DPH6: variants seen among roughly 807,000 people sequenced by gnomAD.
DPH6 encodes the protein diphthamine biosynthesis 6, also known as diphthine--ammonia ligase.
DPH6 carries 33 observed loss-of-function variants against 38.2 expected under a neutral mutation model. That is an observed-to-expected ratio of 0.86 (90% CI 0.65 to 1.15). DPH6 has a LOEUF of 1.15. Among genes scored for constraint, DPH6 ranks in the 50% most tolerant of loss-of-function variants. DPH6 has a pLI of 0.00. For missense variants in DPH6, 325 were observed against 320.0 expected (o/e 1.02, Z -0.12); for synonymous variants, 108 against 103.0 (o/e 1.05, Z -0.30).
intron 3 of DPH6, among the ~76,000 whole-genome samples, chr15:35,274,543 T>G (rs1450543580): frequency 6.6e-6 from 1 of 150,826 alleles, no homozygotes; most frequent in Non-Finnish European, 1.5e-5. Flanking sequence ...TTAAACAAAT[T>G]TACAAGAAAA....
intron 4 of DPH6, among the ~76,000 whole-genome samples, chr15:35,452,144 T>G (rs1342720571): frequency 8.2e-6 from 1 of 121,384 alleles, no homozygotes; most frequent in Non-Finnish European, 1.8e-5. Flanking sequence ...TACTACTTAT[T>G]CTCTTCTCAC....
chr15:35,371,670 G>C lies in DPH6; in HGVS notation c.*480C>G, dbSNP rs899787685. ...AATAACGTTGAAACACTTCAACCAT[G>C]AATATATTTAAAATAAAAATGATAA... is the stretch of plus-strand genomic sequence containing the variant. On this transcript the variant is annotated 3_prime_UTR_variant, in exon 9 of 9. Coordinates refer to ENST00000256538, the MANE Select transcript of DPH6 (RefSeq NM_080650.4). 34 of 985,486 alleles carry C rather than the reference G, an allele frequency of 3.5e-5. No homozygotes were observed. In the Middle Eastern group the frequency reaches 2.1e-3, roughly 61 times the overall value. The allele number at this position is 985,486 out of a possible 1,614,324, so 61.0% of individuals were successfully genotyped here.
At chr15:35,437,219 CCT>C (rs2053728349) in intron 5 of DPH6, among the ~76,000 whole-genome samples, 2 of 152,276 alleles carry the variant, frequency 1.3e-5, no homozygotes, top group Non-Finnish European at 2.9e-5. Context: ...GCCTCGCTCC[CCT>C]CTTTCTAGAT....
intron 3 of DPH6, among the ~76,000 whole-genome samples, chr15:35,321,625 T>C (rs1359727991): frequency 1.3e-5 from 2 of 152,210 alleles, no homozygotes; most frequent in East Asian, 3.8e-4. Context: ...GCTGTATTCT[T>C]GATTTGTGCT....
chr15:35,331,931 G>C (rs1460058648), intron 3 of DPH6, among the ~76,000 whole-genome samples: 1 of 152,158 alleles, frequency 6.6e-6, no homozygotes, highest in African/African-American at 2.4e-5. Context: ...GAAGAATGGA[G>C]AAATGTATGC....
chr15:35,463,721 AG>A (rs1427160781), intron 3 of DPH6, among the ~76,000 whole-genome samples: 1 of 152,188 alleles, frequency 6.6e-6, no homozygotes, highest in Non-Finnish European at 1.5e-5. Context: ...TTATATTTTA[AG>A]TATTTTTACA....
At chr15:35,358,811 A>C (rs2140903564) in intron 3 of DPH6, among the ~76,000 whole-genome samples, 1 of 152,260 alleles carries the variant, frequency 6.6e-6, no homozygotes, top group South Asian at 2.1e-4. Flanking sequence ...AGACACCATG[A>C]GGATTCTTAG....
intron 5 of DPH6, among the ~76,000 whole-genome samples, chr15:35,435,604 A>T (rs544718372): frequency 3.3e-5 from 5 of 151,844 alleles, no homozygotes; most frequent in African/African-American, 1.2e-4. Flanking sequence ...TGTTGGCAGG[A>T]CCCCCTCTTT....
intron 3 of DPH6, among the ~76,000 whole-genome samples, chr15:35,514,937 T>C (rs562730567): frequency 6.6e-5 from 10 of 152,080 alleles, no homozygotes; most frequent in African/African-American, 1.9e-4. Context: ...AAGAAAAATA[T>C]AGGGAATGTG....
intron 6 of DPH6, among the ~76,000 whole-genome samples, chr15:35,389,581 T>C (rs1254852978): frequency 6.6e-6 from 1 of 152,236 alleles, no homozygotes; most frequent in Non-Finnish European, 1.5e-5. Context: ...AATTGATCTG[T>C]TTACCATTCT....
chr15:35,201,834 G>GT, the DPH6 span, among the ~76,000 whole-genome samples: 1 of 151,354 alleles, frequency 6.6e-6, no homozygotes, highest in South Asian at 2.1e-4. Flanking sequence ...AGTACCAGTG[G>GT]TTTTTTTAGT....
intron 3 of DPH6, among the ~76,000 whole-genome samples, chr15:35,472,076 C>T (rs942450185): frequency 3.3e-5 from 5 of 152,106 alleles, no homozygotes; most frequent in Middle Eastern, 3.4e-3. Context: ...GGCAACATAG[C>T]GAGTCCTTAT....
intron 3 of DPH6, among the ~76,000 whole-genome samples, chr15:35,303,103 T>C (rs1240424549): frequency 6.6e-6 from 1 of 152,088 alleles, no homozygotes; most frequent in African/African-American, 2.4e-5. Context: ...GTGCATTGTC[T>C]CTTACACAGC....
chr15:35,351,046 ACTAT>A (rs775723297), intron 3 of DPH6, among the ~76,000 whole-genome samples: 34 of 152,278 alleles, frequency 2.2e-4, no homozygotes, highest in Admixed American at 1.2e-3. Context: ...TTATTGTGTT[ACTAT>A]CTAATTATCC....
intron 3 of DPH6, among the ~76,000 whole-genome samples, chr15:35,270,871 C>T (rs967050096): frequency 5.9e-5 from 9 of 152,240 alleles, no homozygotes; most frequent in African/African-American, 2.2e-4. Flanking sequence ...AGCAGTTTTA[C>T]GATGTAAAGA....
At chr15:35,506,629 T>G (rs1312712804) in intron 3 of DPH6, among the ~76,000 whole-genome samples, 1 of 152,186 alleles carries the variant, frequency 6.6e-6, no homozygotes, top group Non-Finnish European at 1.5e-5. Context: ...GCTTCTCTGC[T>G]TCACCTTCAG....
chr15:35,380,459 A>G (rs1043327497), intron 7 of DPH6, among the ~76,000 whole-genome samples: 2 of 152,198 alleles, frequency 1.3e-5, no homozygotes, highest in Admixed American at 6.5e-5. Flanking sequence ...TGTTGTCCAT[A>G]AAGACTTCCA....
intron 3 of DPH6, among the ~76,000 whole-genome samples, chr15:35,290,213 T>C (rs998403459): frequency 1.3e-5 from 2 of 152,314 alleles, no homozygotes; most frequent in Non-Finnish European, 2.9e-5. Flanking sequence ...GCTTAGTAGG[T>C]ACACAGCACA....
intron 3 of DPH6, among the ~76,000 whole-genome samples, chr15:35,284,156 A>G (rs987751870): frequency 6.6e-6 from 1 of 152,146 alleles, no homozygotes; most frequent in Admixed American, 6.6e-5. Flanking sequence ...TTTGTCATCT[A>G]TCCTCACTCA....
Sources: allele counts gnomAD v4.1 joint callset (sites outside exome capture counted in the v4.1 genomes callset), GRCh38; gene constraint gnomAD v4.1.1; transcripts MANE v1.5; gene names NCBI Gene and HGNC (gene_info 2026-07-23, HGNC 2026-07-21).